SFXN4: variants seen among roughly 807,000 people sequenced by gnomAD.
SFXN4 encodes the protein sideroflexin 4.
Under a neutral mutation model 54.6 loss-of-function variants are expected in SFXN4, and 48 were observed. The observed-to-expected ratio is 0.88, with a 90% CI of 0.70 to 1.12. The LOEUF is 1.12. SFXN4 is among the 50% of genes most tolerant of loss of function. The probability of loss-of-function intolerance (pLI) is 0.00; values close to 1 mark genes in which losing one functional copy is unlikely to be tolerated. For missense variants in SFXN4, 383 were observed against 409.2 expected, an observed-to-expected ratio of 0.94 and a Z score of 0.55; for synonymous variants, 130 against 145.5, an observed-to-expected ratio of 0.89 and a Z score of 0.77.
intron 11 of SFXN4, among the ~76,000 whole-genome samples, chr10:119,152,808 C>G (rs1847123871): frequency 6.6e-6 from 1 of 152,084 alleles, no homozygotes; most frequent in Admixed American, 6.6e-5. Flanking sequence ...CTTTTCTGAG[C>G]TTCCCTGCCA....
chr10:119,144,444 G>A (rs192310816), intron 13 of SFXN4, among the ~76,000 whole-genome samples: 1,704 of 151,542 alleles, frequency 0.011, 37 homozygotes, highest in African/African-American at 0.039. Flanking sequence ...GTGACAGAAC[G>A]AGACTCCGTC....
At chr10:119,143,166 C>T (rs2133563709) in intron 13 of SFXN4, among the ~76,000 whole-genome samples, 1 of 152,288 alleles carries the variant, frequency 6.6e-6, no homozygotes, top group South Asian at 2.1e-4. Flanking sequence ...TTACCTGCTG[C>T]CCTGCTCCTT....
rs756836231 is a variant in SFXN4 at position 119,157,876 on chromosome 10, TTC to T, written c.464_465del (p.Arg155LysfsTer5). The T allele has an allele frequency of 2.5e-6, 4 of 1,614,242 alleles. No homozygotes were observed. Among genetic ancestry groups the T allele is most frequent in the South Asian group, 1.1e-5 (1 of 91,090 alleles). ...CTGGGTCTCATAATACTCACGTAAC[TTC>T]TGTTTCCATTGATGCTGTTGAACGC... ...MAAFNSINGN[R>X]SYTCKPLERS... is the part of the protein sequence containing the mutation. On this transcript the variant is annotated frameshift_variant, in exon 8 of 14. Coordinates refer to ENST00000355697, the MANE Select transcript of SFXN4 (RefSeq NM_213649.2). LOFTEE classifies it high-confidence loss of function.
chr10:119,146,454 T>TGA, intron 12 of SFXN4, 101 bp from the exon 13 acceptor site: 1 of 561,118 alleles, frequency 1.8e-6, no homozygotes, highest in South Asian at 2.4e-5. Context: ...TGTGTGTGTG[T>TGA]GTGTGTGCAC....
At chr10:119,146,378 C>T in intron 12 of SFXN4, 25 bp from the exon 13 acceptor site, 1 of 1,402,758 alleles carries the variant, frequency 7.1e-7, no homozygotes, top group East Asian at 2.3e-5. Flanking sequence ...GCATGGCTCA[C>T]AAGTGATGTT....
At chr10:119,149,032 A>G (rs1157281292) in intron 11 of SFXN4, among the ~76,000 whole-genome samples, 1 of 152,068 alleles carries the variant, frequency 6.6e-6, no homozygotes, top group Non-Finnish European at 1.5e-5. Context: ...GATCACAGGT[A>G]CACCCTACCA....
At chr10:119,145,592 C>A (rs1205868660) in intron 13 of SFXN4, among the ~76,000 whole-genome samples, 1 of 152,128 alleles carries the variant, frequency 6.6e-6, no homozygotes, top group African/African-American at 2.4e-5. Context: ...GCATGAGCCA[C>A]CGCGCCTGGC....
At chr10:119,142,726 A>ATTTTTTTTT (rs573311460) in intron 13 of SFXN4, among the ~76,000 whole-genome samples, 10 of 77,466 alleles carry the variant, frequency 1.3e-4, no homozygotes, top group East Asian at 4.0e-4. Flanking sequence ...AATGTTTTGA[A>ATTTTTTTTT]TTTTTTTTTT....
intron 10 of SFXN4, 32 bp from the exon 11 acceptor site, chr10:119,155,209 G>C (rs201562466): frequency 1.4e-6 from 2 of 1,451,666 alleles, no homozygotes; most frequent in Non-Finnish European, 1.9e-6. Flanking sequence ...GAACACCCAA[G>C]ACGGGGGTGA....
chr10:119,149,323 A>G (rs1846953091), intron 11 of SFXN4, among the ~76,000 whole-genome samples: 1 of 151,992 alleles, frequency 6.6e-6, no homozygotes, highest in Admixed American at 6.6e-5. Context: ...GGCTCCTCCT[A>G]CCACCCGGCC....
At chr10:119,160,864 G>A (rs371554438) in intron 5 of SFXN4, 51 bp downstream of exon 5, 82 of 1,580,576 alleles carry the variant, frequency 5.2e-5, no homozygotes, top group Non-Finnish European at 5.7e-5. Context: ...TTTTCTAAGT[G>A]TTAGAAACTA....
rs764279325 is a variant in SFXN4 at position 119,157,887 on chromosome 10, T to C, written c.455A>G (p.Asn152Ser). The C allele has an allele frequency of 1.1e-5, 18 of 1,614,228 alleles. No homozygotes were observed. Among genetic ancestry groups the C allele is most frequent in the Middle Eastern group, 1.6e-4 (1 of 6,062 alleles). The change falls in exon 8 of 14, where the codon AAT (asparagine) becomes AGT (serine). Residue 152 changes from asparagine to serine, a missense_variant. Transcript: ENST00000355697. ...AATACTCACGTAACTTCTGTTTCCA[T>C]TGATGCTGTTGAACGCTGCCATGTA... ...CAYMAAFNSI[N>S]GNRSYTCKPL...
chr10:119,156,423 C>G (rs924151432), intron 10 of SFXN4, among the ~76,000 whole-genome samples: 1 of 152,090 alleles, frequency 6.6e-6, no homozygotes, highest in Non-Finnish European at 1.5e-5. Flanking sequence ...AGCAAGACTC[C>G]GTCTCAAGAA....
chr10:119,155,110 C>T lies in SFXN4; in HGVS notation c.684G>A (p.Met228Ile). 3.7e-6 allele frequency: 6 copies of T among 1,614,204 alleles called. No individual in the cohort carries two copies. The highest frequency in any genetic ancestry group is 4.2e-6 in the Non-Finnish European group (5 of 1,180,016). The change falls in exon 11 of 14, where the codon ATG (methionine) becomes ATA (isoleucine). Residue 228 changes from methionine (M) to isoleucine (I), a missense_variant. Transcript: ENST00000355697. ...GACCCAGGACATTGCCTTCCTTGTC[C>T]ATGACCGCAATCCCCTTAATGGATT... Reference protein sequence around the residue: ...SLESIKGIAVMDKEGNVLGHS... With the variant: ...SLESIKGIAVIDKEGNVLGHS...
rs1232926793 is a variant in SFXN4 at position 119,157,939 on chromosome 10, G to A, written c.415-12C>T. The A allele has an allele frequency of 5.0e-6, 8 of 1,614,086 alleles. No homozygotes were observed. In the East Asian group the frequency reaches 8.9e-5, roughly 18 times the overall value. The stretch of plus-strand genomic sequence containing the variant: ...GCACAGAGGAAAACCTGCCGAGAGG[G>A]GCAAATGGATCGCATTTTCGTTTCA... On this transcript the variant is annotated splice_polypyrimidine_tract_variant and intron_variant, in intron 7 of 13. Transcript: ENST00000355697.
At chr10:119,142,185 G>A (rs975519738) in intron 13 of SFXN4, among the ~76,000 whole-genome samples, 1 of 152,122 alleles carries the variant, frequency 6.6e-6, no homozygotes, top group African/African-American at 2.4e-5. Context: ...GGGCAACAGA[G>A]TGAGAAACCC....
At chr10:119,150,198 C>T (rs7900795) in intron 11 of SFXN4, among the ~76,000 whole-genome samples, 2,424 of 152,090 alleles carry the variant, frequency 0.016, 68 homozygotes, top group African/African-American at 0.056. Flanking sequence ...CCCTAACATG[C>T]CCCTCATGCC....
rs967024908 is a variant in SFXN4, at chr10:119,160,773, C to A, written c.334+142G>T. On this transcript the variant is annotated intron_variant, in intron 5 of 13. Transcript: ENST00000355697. ...ACCACAATGCCCAACTAATTTTTTA[C>A]ATTTTTAGTAGAGACGGGGTTTCAC... 24 of 796,992 alleles carry A rather than the reference C, an allele frequency of 3.0e-5. No individual in the cohort carries two copies. In the Admixed American group the frequency reaches 4.0e-4, roughly 13 times the overall value. The allele number at this position is 796,992 out of a possible 1,614,324, so 49.4% of individuals were successfully genotyped here.
Position 119,155,093 on chromosome 10 carries a change from A to C in SFXN4, c.701T>G (p.Val234Gly). ...CCCAGCAATTCTGGAATGACCCAGG[A>C]CATTGCCTTCCTTGTCCATGACCGC... The part of the protein sequence containing the change: ...GIAVMDKEGN[V>G]LGHSRIAGTK... Residue 234 changes from valine (V) to glycine (G), a missense_variant, in exon 11 of 14, where the codon GTC becomes GGC. Transcript: ENST00000355697. 6.2e-7 allele frequency: 1 copy of C among 1,614,112 alleles called. No homozygotes were observed. The highest frequency in any genetic ancestry group is 8.5e-7 in the Non-Finnish European group (1 of 1,179,920).
Sources: allele counts gnomAD v4.1 joint callset (sites outside exome capture counted in the v4.1 genomes callset), GRCh38; gene constraint gnomAD v4.1.1; transcripts MANE v1.5; gene names NCBI Gene and HGNC (gene_info 2026-07-23, HGNC 2026-07-21).